Variants in EVI5 observed in about 807,000 individuals in gnomAD.
The protein encoded by EVI5 is ecotropic viral integration site 5 protein homolog.
In EVI5, 73 loss-of-function variants were observed where a neutral mutation model predicts 112.0. The ratio of observed to expected loss-of-function variants is 0.65; its 90% confidence interval spans 0.54 to 0.79. The LOEUF (loss-of-function observed/expected upper bound fraction) is 0.79. EVI5 is among the 30% of genes least tolerant of loss of function. The pLI, the probability that EVI5 is intolerant of heterozygous loss-of-function variation, is 0.00. For synonymous variants in EVI5, 305 were observed against 319.9 expected, an observed-to-expected ratio of 0.95 and a Z score of 0.50; for missense variants, 900 against 968.8, an observed-to-expected ratio of 0.93 and a Z score of 0.94.
chr1:92,730,248 C>T (rs1570633691), intron 2 of EVI5, among the ~76,000 whole-genome samples: 2 of 151,944 alleles, frequency 1.3e-5, no homozygotes, highest in East Asian at 3.9e-4. Context: ...TGCCTGTAAT[C>T]CCAGGAGGCA....
intron 19 of EVI5, among the ~76,000 whole-genome samples, chr1:92,556,995 T>C (rs953138782): frequency 6.6e-6 from 1 of 152,048 alleles, no homozygotes; most frequent in Non-Finnish European, 1.5e-5. Flanking sequence ...ATTTTCTAAG[T>C]CAAACTTCAG....
At chr1:92,735,645 T>TG (rs1553259848) in intron 2 of EVI5, among the ~76,000 whole-genome samples, 2 of 11,038 alleles carry the variant, frequency 1.8e-4, no homozygotes, top group Non-Finnish European at 3.5e-4. Flanking sequence ...ATGTCATATA[T>TG]ATATATAATT....
chr1:92,542,442 C>A (rs1319271740), intron 19 of EVI5, among the ~76,000 whole-genome samples: 1 of 152,154 alleles, frequency 6.6e-6, no homozygotes, highest in Non-Finnish European at 1.5e-5. Context: ...ATCCCTCAAA[C>A]GGTTGGAATC....
chr1:92,553,349 C>G (rs1287785331), intron 19 of EVI5, among the ~76,000 whole-genome samples: 1 of 132,394 alleles, frequency 7.6e-6, no homozygotes, highest in East Asian at 2.4e-4. Context: ...GCCACCCAGG[C>G]TGGAGTGCAG....
At chr1:92,575,723 T>C (rs531418179) in intron 18 of EVI5, among the ~76,000 whole-genome samples, 2 of 151,760 alleles carry the variant, frequency 1.3e-5, no homozygotes, top group South Asian at 2.1e-4. Context: ...ACCAGCACAC[T>C]TGGTTAATTT....
chr1:92,629,773 G>C (rs2210618), intron 14 of EVI5, among the ~76,000 whole-genome samples: 136,783 of 148,512 alleles, frequency 0.92, 63,082 homozygotes, highest in East Asian at 0.97. Flanking sequence ...CCATTAACTC[G>C]TCATTTAACA....
At chr1:92,655,340 G>GA (rs34169973) in intron 13 of EVI5, among the ~76,000 whole-genome samples, 3 of 150,096 alleles carry the variant, frequency 2.0e-5, no homozygotes, top group Non-Finnish European at 3.0e-5. Flanking sequence ...ACTTATTAAA[G>GA]AAAAAAAAAA....
At chr1:92,757,224 A>G (rs1570795365) in intron 1 of EVI5, among the ~76,000 whole-genome samples, 1 of 152,226 alleles carries the variant, frequency 6.6e-6, no homozygotes, top group Non-Finnish European at 1.5e-5. Flanking sequence ...AATAGTTCAA[A>G]TATTTCAAAA....
chr1:92,531,167 C>A (rs891570830), intron 19 of EVI5, among the ~76,000 whole-genome samples: 39 of 151,566 alleles, frequency 2.6e-4, no homozygotes, highest in Admixed American at 2.6e-3. Flanking sequence ...CCAAACAGAT[C>A]AAGCAGAAGA....
intron 18 of EVI5, among the ~76,000 whole-genome samples, chr1:92,589,557 G>C (rs539663092): frequency 6.6e-6 from 1 of 152,170 alleles, no homozygotes; most frequent in Non-Finnish European, 1.5e-5. Flanking sequence ...AGGCGGCAGC[G>C]AGGCTGGGGG....
chr1:92,662,623 T>C (rs547005759), intron 13 of EVI5, 96 bp downstream of exon 13: 1 of 832,850 alleles, frequency 1.2e-6, no homozygotes, highest in African/African-American at 1.8e-5. Flanking sequence ...AACAAAATTA[T>C]TTAAAACAAC....
At chr1:92,647,593 G>A (rs1661214467) in intron 13 of EVI5, 4 of 512,872 alleles carry the variant, frequency 7.8e-6, no homozygotes, top group South Asian at 2.2e-5. Context: ...CACAAAGAAG[G>A]AATAAGCAGA....
chr1:92,509,890 T>C lies in EVI5; in HGVS notation c.*3766A>G, dbSNP rs937367077. On this transcript the variant is annotated 3_prime_UTR_variant, in exon 20 of 20. Transcript: ENST00000684568. ...TATACTCAACTCTAAGTGTTTAACTTAATAACATTCAAATATCACAAAATG... is the reference window on the plus strand; with the variant it reads ...TATACTCAACTCTAAGTGTTTAACTCAATAACATTCAAATATCACAAAATG... 1.3e-5 allele frequency: 2 copies of C among 152,218 alleles called. No homozygotes were observed. The highest frequency in any genetic ancestry group is 2.9e-5 in the Non-Finnish European group (2 of 68,040). The allele number at this position is 152,218 out of a possible 1,614,324, so 9.4% of individuals were successfully genotyped here.
intron 16 of EVI5, among the ~76,000 whole-genome samples, chr1:92,613,545 C>A (rs961152720): frequency 2.6e-5 from 4 of 152,174 alleles, no homozygotes; most frequent in African/African-American, 7.2e-5. Flanking sequence ...CTGCCTCAGC[C>A]TCCCAAAGTG....
At chr1:92,698,096 G>T in intron 5 of EVI5, 111 bp from the exon 6 acceptor site, 3 of 942,244 alleles carry the variant, frequency 3.2e-6, no homozygotes, top group Non-Finnish European at 3.2e-6. Flanking sequence ...TTGAGTGGCT[G>T]TGTGCTGCAA....
chr1:92,718,948 A>T (rs1332724221), intron 2 of EVI5, among the ~76,000 whole-genome samples: 2 of 152,222 alleles, frequency 1.3e-5, no homozygotes, highest in Non-Finnish European at 2.9e-5. Flanking sequence ...AAAATCTAGA[A>T]GAAATGGATG....
intron 13 of EVI5, among the ~76,000 whole-genome samples, chr1:92,653,784 T>A (rs554894391): frequency 6.6e-6 from 1 of 152,270 alleles, no homozygotes; most frequent in South Asian, 2.1e-4. Flanking sequence ...GGAAGAAGAC[T>A]CCAAAACAAA....
chr1:92,682,792 C>T (rs537243301), intron 9 of EVI5, among the ~76,000 whole-genome samples: 2 of 152,282 alleles, frequency 1.3e-5, no homozygotes, highest in Admixed American at 1.3e-4. Context: ...GGTATCATCT[C>T]CTTCAGAGAA....
intron 19 of EVI5, among the ~76,000 whole-genome samples, chr1:92,558,438 G>A (rs1668006432): frequency 6.6e-6 from 1 of 152,138 alleles, no homozygotes; most frequent in African/African-American, 2.4e-5. Context: ...CTTTCTCTAT[G>A]CTGGTCAATG....
Sources: gnomAD v4.1 joint callset for allele counts (sites outside exome capture counted in the v4.1 genomes callset) on GRCh38, gnomAD v4.1.1 for gene constraint, MANE v1.5 for transcripts, NCBI Gene and HGNC (gene_info 2026-07-23, HGNC 2026-07-21) for gene names.